PCDHA5: variants seen among roughly 807,000 people sequenced by gnomAD.
PCDHA5 encodes the protein protocadherin alpha 5.
A neutral mutation model predicts 61.6 loss-of-function variants in PCDHA5; 43 were observed. The observed-to-expected ratio is 0.70, with a 90% CI of 0.55 to 0.90. The LOEUF (loss-of-function observed/expected upper bound fraction) is 0.90. PCDHA5 is among the 40% of genes least tolerant of loss of function. PCDHA5 has a pLI of 0.00. For synonymous variants in PCDHA5, 627 were observed against 543.9 expected (o/e 1.15, Z -2.13); for missense variants, 1,298 against 1,222.7 (o/e 1.06, Z -0.92).
intron 1 of PCDHA5, chr5:140,835,702 G>A: frequency 6.2e-7 from 1 of 1,613,922 alleles, no homozygotes; most frequent in South Asian, 1.1e-5. Flanking sequence ...GCCACTGCTA[G>A]CGTGTCCGTG....
chr5:140,879,055 A>C (rs1048447920), intron 1 of PCDHA5, among the ~76,000 whole-genome samples: 2 of 152,214 alleles, frequency 1.3e-5, no homozygotes, highest in Non-Finnish European at 2.9e-5. Context: ...ACAACATTTT[A>C]CCAAGAAAGT....
chr5:140,921,631 T>C (rs1435281144), intron 1 of PCDHA5, among the ~76,000 whole-genome samples: 2 of 152,206 alleles, frequency 1.3e-5, no homozygotes, highest in Non-Finnish European at 2.9e-5. Flanking sequence ...ATCATCATTA[T>C]GGTAGCTATT....
Position 140,823,090 on chromosome 5 carries a change from A to C in PCDHA5, c.1315A>C (p.Ser439Arg). ...GGSPSLWATA[S>R]VSVEVADVND... Reference sequence around the variant, plus strand: ...CTCGCCTTCGCTGTGGGCCACCGCCAGCGTGTCTGTGGAAGTGGCCGACGT... The same window carrying C: ...CTCGCCTTCGCTGTGGGCCACCGCCCGCGTGTCTGTGGAAGTGGCCGACGT... The change falls in exon 1 of 4, where the codon AGC (serine) becomes CGC (arginine). Residue 439 changes from serine (S) to arginine (R), a missense_variant. Ser to Arg is a moderately radical substitution (Grantham distance 110, BLOSUM62 -1). Transcript: ENST00000529859. 6.2e-7 allele frequency: 1 copy of C among 1,614,038 alleles called. No homozygotes were observed. Among genetic ancestry groups the C allele is most frequent in the Non-Finnish European group, 8.5e-7 (1 of 1,180,008 alleles).
At chr5:140,836,282 G>A in intron 1 of PCDHA5, 2 of 1,613,808 alleles carry the variant, frequency 1.2e-6, no homozygotes, top group Non-Finnish European at 1.7e-6. Context: ...AGATCAGCAC[G>A]ACACGAGCCC....
intron 1 of PCDHA5, chr5:140,850,246 C>A: frequency 1.9e-6 from 3 of 1,593,138 alleles, no homozygotes; most frequent in Non-Finnish European, 2.6e-6. Flanking sequence ...GTGCTGCGGT[C>A]GGTGGGCGCC....
Position 140,821,779 on chromosome 5 carries a change from G to A in PCDHA5, c.4G>A (p.Val2Ile), listed in dbSNP as rs1554128193. 29 of 1,609,248 alleles carry A rather than the reference G, an allele frequency of 1.8e-5. No individual in the cohort carries two copies. The highest frequency in any genetic ancestry group is 3.4e-5 in the Admixed American group (2 of 59,684). Residue 2 changes from valine (V) to isoleucine (I), a missense_variant, in exon 1 of 4, where the codon GTA becomes ATA. Val to Ile is a conservative substitution (Grantham distance 29, BLOSUM62 3). Coordinates refer to ENST00000529859, the MANE Select transcript of PCDHA5 (RefSeq NM_018908.3). ...TCATAATTGGAACGAGATTGAGATG[G>A]TATATTCCCGGAGAGGAAGTCTGGG... M[V>I]YSRRGSLGSR...
intron 3 of PCDHA5, among the ~76,000 whole-genome samples, chr5:141,002,270 G>T (rs1304168184): frequency 6.6e-6 from 1 of 152,172 alleles, no homozygotes; most frequent in Non-Finnish European, 1.5e-5. Context: ...CCCAGAGCTG[G>T]TAACAAAGGG....
At chr5:141,005,440 A>C (rs1174431656) in intron 3 of PCDHA5, among the ~76,000 whole-genome samples, 3 of 152,112 alleles carry the variant, frequency 2.0e-5, no homozygotes, top group African/African-American at 7.2e-5. Flanking sequence ...TGAGAGGCTC[A>C]CGCCTGTAAT....
At chr5:140,956,200 GA>G (rs1385482287) in intron 1 of PCDHA5, among the ~76,000 whole-genome samples, 1 of 152,152 alleles carries the variant, frequency 6.6e-6, no homozygotes, top group Non-Finnish European at 1.5e-5. Flanking sequence ...TAGGAGTGGT[GA>G]AAGAGGGCAT....
At chr5:141,005,953 A>G (rs1036085493) in intron 3 of PCDHA5, among the ~76,000 whole-genome samples, 1 of 152,052 alleles carries the variant, frequency 6.6e-6, no homozygotes, top group Non-Finnish European at 1.5e-5. Context: ...TCTCTAACAA[A>G]CAACAATAAA....
rs1781426453 is a variant in PCDHA5, at chr5:140,848,298, G to A, written c.2352+24171G>A. On this transcript the variant is annotated intron_variant, in intron 1 of 3. Transcript: ENST00000529859. ...TATGTACTTACACTTTGGGCCACGTGATGTCACTCTTTGCCGCGATGTTCT... is the reference window on the plus strand; with the variant it reads ...TATGTACTTACACTTTGGGCCACGTAATGTCACTCTTTGCCGCGATGTTCT... 1.4e-5 allele frequency: 9 copies of A among 661,966 alleles called. 1 individual carries two copies. The Admixed American group carries it at 2.4e-4, about 18-fold the overall frequency. The allele number at this position is 661,966 out of a possible 1,614,324, so 41.0% of individuals were successfully genotyped here. A position where few individuals can be genotyped will look rare whatever the true frequency, so the allele number is the denominator to read the frequency against.
At chr5:141,007,660 T>C (rs1392469115) in intron 3 of PCDHA5, among the ~76,000 whole-genome samples, 2 of 152,074 alleles carry the variant, frequency 1.3e-5, no homozygotes, top group Admixed American at 6.5e-5. Flanking sequence ...AAACCATAAA[T>C]TTACAAAGAC....
chr5:140,872,850 G>A (rs1439631581), intron 1 of PCDHA5, among the ~76,000 whole-genome samples: 2 of 152,084 alleles, frequency 1.3e-5, no homozygotes, highest in East Asian at 3.8e-4. Context: ...ATATATTAAT[G>A]TGAGTACCTA....
intron 1 of PCDHA5, chr5:140,830,206 C>A: frequency 1.9e-6 from 3 of 1,613,782 alleles, no homozygotes; most frequent in Non-Finnish European, 2.5e-6. Context: ...TCGCCATCTG[C>A]GCGGTATCCA....
intron 1 of PCDHA5, chr5:140,875,488 C>G: frequency 3.7e-6 from 6 of 1,612,568 alleles, no homozygotes; most frequent in Non-Finnish European, 5.1e-6. Flanking sequence ...GATTATCGGA[C>G]CAAGAGGCCC....
At chr5:140,874,834 T>C (rs756394440) in intron 1 of PCDHA5, among the ~76,000 whole-genome samples, 17 of 152,260 alleles carry the variant, frequency 1.1e-4, no homozygotes, top group Non-Finnish European at 2.5e-4. Context: ...AAATATTGTT[T>C]GGTATTAGAC....
At chr5:140,870,836 A>C in intron 1 of PCDHA5, 1 of 1,613,796 alleles carries the variant, frequency 6.2e-7, no homozygotes, top group Non-Finnish European at 8.5e-7. Flanking sequence ...GCAGTTAACA[A>C]GCTAGTACCG....
At chr5:140,883,526 G>A (rs1554178547) in intron 1 of PCDHA5, 2 of 1,614,226 alleles carry the variant, frequency 1.2e-6, no homozygotes, top group East Asian at 2.2e-5. Flanking sequence ...GAGCGTATCA[G>A]CCTATGAACT....
At chr5:140,987,963 T>C (rs2097275753) in intron 3 of PCDHA5, among the ~76,000 whole-genome samples, 1 of 152,190 alleles carries the variant, frequency 6.6e-6, no homozygotes, top group Non-Finnish European at 1.5e-5. Context: ...CAACTCCCCA[T>C]GGAAAGACTC....
Sources: gnomAD v4.1 joint callset for allele counts (sites outside exome capture counted in the v4.1 genomes callset) on GRCh38, gnomAD v4.1.1 for gene constraint, MANE v1.5 for transcripts, NCBI Gene and HGNC (gene_info 2026-07-23, HGNC 2026-07-21) for gene names.